The following ADGRA2 variants were observed in gnomAD, a reference collection of about 807,000 sequenced individuals.
ADGRA2 encodes G-protein coupled receptor 124.
Under a neutral mutation model 98.7 loss-of-function variants are expected in ADGRA2, and 61 were observed. That is an observed-to-expected ratio of 0.62 (90% CI 0.50 to 0.76). The LOEUF is 0.76. Among genes scored for constraint, ADGRA2 ranks in the 30% least tolerant of loss-of-function variants. The pLI is 0.00. For missense variants in ADGRA2, 1,712 were observed against 1,860.0 expected (o/e 0.92, Z 1.46); for synonymous variants, 858 against 831.5 (o/e 1.03, Z -0.55).
chr8:37,818,145 G>A (rs1183350070), intron 2 of ADGRA2, among the ~76,000 whole-genome samples: 1 of 152,192 alleles, frequency 6.6e-6, no homozygotes, highest in Non-Finnish European at 1.5e-5. Context: ...GGAAGTCTTG[G>A]AGTCGCAGGA....
Position 37,844,257 on chromosome 8 carries a change from C to A in ADGRA2, c.*1902C>A. 1 of 559,652 alleles carries A rather than the reference C, an allele frequency of 1.8e-6. No homozygotes were observed. Among genetic ancestry groups the A allele is most frequent in the South Asian group, 2.5e-5 (1 of 40,336 alleles). The allele number at this position is 559,652 out of a possible 1,614,324, so 34.7% of individuals were successfully genotyped here. ...GGAAAGCCATCTCACAGAACATGGA[C>A]ATAGGCAACTTGCTCTCCCACACCA... is the stretch of plus-strand genomic sequence containing the variant. On this transcript the variant is annotated 3_prime_UTR_variant, in exon 19 of 19. Coordinates refer to ENST00000412232, the MANE Select transcript of ADGRA2 (RefSeq NM_032777.10).
chr8:37,797,077 G>T lies in ADGRA2; in HGVS notation c.-192G>T. On this transcript the variant is annotated 5_prime_UTR_variant, in exon 1 of 19. Coordinates refer to ENST00000412232, the MANE Select transcript of ADGRA2 (RefSeq NM_032777.10). The surrounding 1 kb of genome is among the most constrained non-coding windows in gnomAD (Gnocchi z 5.3). ...TGACAGCCGCGCCGACGTCCTCCCCGCCGGGGCGCTCGCAGGACATGCCCC... is the reference window on the plus strand; with the variant it reads ...TGACAGCCGCGCCGACGTCCTCCCCTCCGGGGCGCTCGCAGGACATGCCCC... 4.1e-6 allele frequency: 1 copy of T among 245,442 alleles called. No individual in the cohort carries two copies. The highest frequency in any genetic ancestry group is 1.1e-4 in the East Asian group (1 of 9,514). 15.2% of individuals were successfully genotyped at this position (245,442 alleles called of 1,614,324 possible).
rs768175026 is a variant in ADGRA2, at chr8:37,814,920, G to C, written c.291G>C (p.Thr97=). 2.5e-6 allele frequency: 4 copies of C among 1,613,264 alleles called. No individual in the cohort carries two copies. The highest frequency in any genetic ancestry group is 3.4e-6 in the Non-Finnish European group (4 of 1,179,182). Residue 97 remains threonine (T), a synonymous_variant, in exon 2 of 19, where the codon ACG becomes ACC. Transcript: ENST00000412232. This position sits in a 1 kb window ranked among gnomAD's most constrained non-coding sequence, Gnocchi z 4.3. The part of the protein sequence containing the change: ...VTLLLSNNKI[T]GLRNGSFLGL... The stretch of plus-strand genomic sequence containing the variant: ...GGCTCTTGAGCAATAACAAGATCAC[G>C]GGGCTCCGCAATGGCTCCTTCCTGG...
At chr8:37,828,156 A>T (rs1471473316) in intron 2 of ADGRA2, among the ~76,000 whole-genome samples, 5 of 151,966 alleles carry the variant, frequency 3.3e-5, no homozygotes, top group African/African-American at 1.2e-4. Context: ...AAAACAAAAC[A>T]AAACAACTAC....
Position 37,844,491 on chromosome 8 carries a change from C to T in ADGRA2, c.*2136C>T, listed in dbSNP as rs990476170. 6.2e-7 allele frequency: 1 copy of T among 1,612,026 alleles called. No homozygotes were observed. The highest frequency in any genetic ancestry group is 2.2e-5 in the East Asian group (1 of 44,866). On this transcript the variant is annotated 3_prime_UTR_variant, in exon 19 of 19. Coordinates refer to ENST00000412232, the MANE Select transcript of ADGRA2 (RefSeq NM_032777.10). ...TGAAGTGCTCCCAGTGGATATCCAT[C>T]AGGGAGGGTTAGGGACACTCGTGGC...
In ADGRA2 at chr8:37,829,573, C is replaced by A; in HGVS notation, c.554+14C>A. On this transcript the variant is annotated intron_variant, in intron 5 of 18. Transcript: ENST00000412232. Reference sequence around the variant, plus strand: ...CCTTAAGGTTGTGTGAGTATCTCTTCCTAGCTCAAGGACCCAGACCCCTGT... The same window carrying A: ...CCTTAAGGTTGTGTGAGTATCTCTTACTAGCTCAAGGACCCAGACCCCTGT... 6.3e-7 allele frequency: 1 copy of A among 1,587,692 alleles called. No individual in the cohort carries two copies. The highest frequency in any genetic ancestry group is 8.7e-7 in the Non-Finnish European group (1 of 1,155,920).
At chr8:37,840,342 G>A (rs918708730) in intron 17 of ADGRA2, 76 bp downstream of exon 17, 6 of 1,500,800 alleles carry the variant, frequency 4.0e-6, no homozygotes, top group Non-Finnish European at 5.5e-6. Flanking sequence ...CAAGGTGGGT[G>A]AAGGGTGAGT....
At chr8:37,831,091 A>C (rs780467589) in intron 7 of ADGRA2, among the ~76,000 whole-genome samples, 168 bp downstream of exon 7, 5 of 152,238 alleles carry the variant, frequency 3.3e-5, no homozygotes, top group African/African-American at 4.8e-5. Context: ...TAGAGGCTAG[A>C]AATAAATATC....
rs1404093859 is a variant in ADGRA2 at position 37,841,031 on chromosome 8, A to G, written c.2748-55A>G. 3 of 696,524 alleles carry G rather than the reference A, an allele frequency of 4.3e-6. No homozygotes were observed. Among genetic ancestry groups the G allele is most frequent in the Non-Finnish European group, 4.5e-6 (2 of 441,300 alleles). The allele number at this position is 696,524 out of a possible 1,614,324, so 43.1% of individuals were successfully genotyped here. On this transcript the variant is annotated intron_variant, in intron 18 of 18. Transcript: ENST00000412232. This position sits in a 1 kb window ranked among gnomAD's most constrained non-coding sequence, Gnocchi z 5.0. The stretch of plus-strand genomic sequence containing the variant: ...TGTCTCCCCAACCACCCCGGCCCCC[A>G]GCCCCACCCCAGCCATGCCCCCTGT...
rs115974510 is a variant in ADGRA2 at position 37,804,456 on chromosome 8, G to T, written c.266+6922G>T. Among the ~76,000 whole-genome samples the T allele has an allele frequency of 3.7e-3, 567 of 152,352 alleles. 3 individuals are homozygous for T. The highest frequency in any genetic ancestry group is 0.013 in the African/African-American group (530 of 41,584). On this transcript the variant is annotated intron_variant, in intron 1 of 18. Transcript: ENST00000412232. ...TTCTGATGAAAATGCAGGCACGTGG[G>T]ACTGGGAGTTTAAGCGGCCTGACCC...
chr8:37,829,634 T>G, intron 5 of ADGRA2, 75 bp downstream of exon 5: 1 of 1,156,366 alleles, frequency 8.6e-7, no homozygotes, highest in Non-Finnish European at 1.3e-6. Flanking sequence ...ATAAGTATCA[T>G]GACCACCAGG....
chr8:37,800,273 G>C (rs150937135), intron 1 of ADGRA2, among the ~76,000 whole-genome samples: 9 of 152,224 alleles, frequency 5.9e-5, no homozygotes, highest in Non-Finnish European at 1.3e-4. Context: ...TATGGACCGG[G>C]AGGTGGGAGG....
At chr8:37,839,705 G>A (rs1197743404) in intron 16 of ADGRA2, 83 bp downstream of exon 16, 13 of 1,525,534 alleles carry the variant, frequency 8.5e-6, no homozygotes, top group Non-Finnish European at 1.2e-5. Flanking sequence ...TGCGCTGGAA[G>A]AAAAAGGCTG....
intron 2 of ADGRA2, 48 bp from the exon 3 acceptor site, chr8:37,828,840 C>CGGCTCCAG: frequency 6.7e-7 from 1 of 1,485,804 alleles, no homozygotes; most frequent in Non-Finnish European, 9.2e-7. Flanking sequence ...GGGAGCAGGG[C>CGGCTCCAG]GGCTCCAGCG....
At chr8:37,829,656 G>C (rs1029868306) in intron 5 of ADGRA2, 97 bp downstream of exon 5, 16 of 1,016,946 alleles carry the variant, frequency 1.6e-5, no homozygotes, top group East Asian at 2.4e-5. Flanking sequence ...CTGGTCTCAC[G>C]AGTGGCCACA....
intron 1 of ADGRA2, among the ~76,000 whole-genome samples, chr8:37,805,732 A>G (rs1448733577): frequency 2.0e-5 from 3 of 151,832 alleles, no homozygotes; most frequent in Non-Finnish European, 4.4e-5. Flanking sequence ...AGCCGGGTGT[A>G]GTGGTGCGCG....
chr8:37,818,974 C>T (rs1404650195), intron 2 of ADGRA2, among the ~76,000 whole-genome samples: 2 of 152,094 alleles, frequency 1.3e-5, no homozygotes, highest in Admixed American at 1.3e-4. Flanking sequence ...TCAGGGAATG[C>T]CTGGGGAGTC....
chr8:37,840,869 G>T lies in ADGRA2; in HGVS notation c.2747+20G>T, dbSNP rs376787753. The T allele has an allele frequency of 5.5e-6, 3 of 546,044 alleles. No individual in the cohort carries two copies. The highest frequency in any genetic ancestry group is 8.6e-6 in the Non-Finnish European group (3 of 348,268). 33.8% of individuals were successfully genotyped at this position (546,044 alleles called of 1,614,324 possible). A position where few individuals can be genotyped will look rare whatever the true frequency, so the allele number is the denominator to read the frequency against. ...CCCCTAGTGAGCACCCCTCCCTCCC[G>T]CCCCAAGCCTACCTACCTAACACCA... On this transcript the variant is annotated intron_variant, in intron 18 of 18. Coordinates refer to ENST00000412232, the MANE Select transcript of ADGRA2 (RefSeq NM_032777.10).
Position 37,830,525 on chromosome 8 carries a change from G to T in ADGRA2, c.719-185G>T, listed in dbSNP as rs532831424. 1.4e-4 allele frequency among the ~76,000 whole-genome samples: 21 copies of T among 152,238 alleles called. No homozygotes were observed. The highest frequency in any genetic ancestry group is 1.4e-3 in the Admixed American group (21 of 15,300). On this transcript the variant is annotated intron_variant, in intron 6 of 18. Transcript: ENST00000412232. The surrounding 1 kb of genome is among the most constrained non-coding windows in gnomAD (Gnocchi z 4.8). ...GAGTACTTTTCTTTGTCCAAAAACC[G>T]CCTGTCCCTCCCCTTTACCCTTACC...
Sources: allele counts gnomAD v4.1 joint callset (sites outside exome capture counted in the v4.1 genomes callset), GRCh38; gene constraint gnomAD v4.1.1; non-coding constraint Gnocchi (gnomAD v3.1); transcripts MANE v1.5; gene names NCBI Gene and HGNC (gene_info 2026-07-23, HGNC 2026-07-21).